SASH1: variants seen among roughly 807,000 people sequenced by gnomAD.
SASH1 encodes SAM and SH3 domain containing 1, also known as SAM and SH3 domain-containing protein 1.
Under a neutral mutation model 125.2 loss-of-function variants are expected in SASH1, and 44 were observed. That is an observed-to-expected ratio of 0.35 (90% CI 0.28 to 0.45). The LOEUF is 0.45. SASH1 is among the 20% of genes least tolerant of loss of function. The pLI is 1.00. For synonymous variants in SASH1, 639 were observed against 649.1 expected (o/e 0.98, Z 0.24); for missense variants, 1,426 against 1,614.5 (o/e 0.88, Z 2.00).
the SASH1 span, among the ~76,000 whole-genome samples, chr6:148,238,739 G>T: frequency 2.0e-5 from 3 of 152,002 alleles, no homozygotes; most frequent in Non-Finnish European, 2.9e-5. Flanking sequence ...CTAGAAAAGG[G>T]CTTGGCGTAC....
At chr6:148,492,435 G>T (rs569403850) in intron 8 of SASH1, among the ~76,000 whole-genome samples, 25 of 152,288 alleles carry the variant, frequency 1.6e-4, no homozygotes, top group African/African-American at 6.0e-4. Flanking sequence ...TATATAGCAG[G>T]CATTGTGCTA....
At chr6:148,472,032 G>C (rs1257073939) in intron 6 of SASH1, among the ~76,000 whole-genome samples, 1 of 152,204 alleles carries the variant, frequency 6.6e-6, no homozygotes, top group African/African-American at 2.4e-5. Flanking sequence ...ACTCTTGGCT[G>C]TGTCTTTTGT....
rs58822082 is a variant in SASH1, at chr6:148,511,324, TACACACACACACACACAC to T, written c.730-2967_730-2950del. Among the ~76,000 whole-genome samples, 251 of 135,464 alleles carry T rather than the reference TACACACACACACACACAC, an allele frequency of 1.9e-3. 4 individuals carry two copies. In the South Asian group the frequency reaches 0.038, roughly 20 times the overall value. The allele number at this position is 135,464 out of a possible 152,430, so 88.9% of individuals were successfully genotyped here. ...GCTGACTTCTAGGTTAATTTTCTAT[TACACACACACACACACAC>T]ACACACACACACACACACACACACA... On this transcript the variant is annotated intron_variant, in intron 8 of 19. Coordinates refer to ENST00000367467, the MANE Select transcript of SASH1 (RefSeq NM_015278.5).
chr6:148,549,694 TTTAGA>T lies in SASH1; in HGVS notation c.*1138_*1142del. 2.5e-6 allele frequency: 1 copy of T among 398,736 alleles called. No individual in the cohort carries two copies. Among genetic ancestry groups the T allele is most frequent in the East Asian group, 3.6e-5 (1 of 28,048 alleles). 24.7% of individuals were successfully genotyped at this position (398,736 alleles called of 1,614,324 possible). On this transcript the variant is annotated 3_prime_UTR_variant, in exon 20 of 20. Transcript: ENST00000367467. ...TACTATTATTATCCTTCTTTTTTTA[TTTAGA>T]TAATTCTTTTAATTTAAACAAAGGT...
At chr6:148,399,135 G>T (rs1784069844) in intron 2 of SASH1, among the ~76,000 whole-genome samples, 1 of 151,956 alleles carries the variant, frequency 6.6e-6, no homozygotes, top group Non-Finnish European at 1.5e-5. Context: ...GAAACCACCG[G>T]GTTGGCTGTG....
At chr6:148,491,810 A>T (rs546037235) in intron 8 of SASH1, among the ~76,000 whole-genome samples, 1 of 152,162 alleles carries the variant, frequency 6.6e-6, no homozygotes, top group Non-Finnish European at 1.5e-5. Flanking sequence ...TGACTGAGAC[A>T]TTACCGTTTA....
intron 4 of SASH1, among the ~76,000 whole-genome samples, chr6:148,462,895 C>T (rs778768296): frequency 1.3e-5 from 2 of 152,104 alleles, no homozygotes; most frequent in Non-Finnish European, 1.5e-5. Flanking sequence ...TTGCCCAGCA[C>T]GATTGGACCT....
intron 1 of SASH1, among the ~76,000 whole-genome samples, chr6:148,322,153 C>G (rs904335618): frequency 2.0e-5 from 3 of 151,998 alleles, no homozygotes; most frequent in Non-Finnish European, 4.4e-5. Flanking sequence ...GAGTTCGAGA[C>G]CAGCCTGGCC....
chr6:148,460,759 C>T (rs113362722), intron 4 of SASH1, among the ~76,000 whole-genome samples: 2 of 152,094 alleles, frequency 1.3e-5, no homozygotes, highest in African/African-American at 2.4e-5. Context: ...ATTTTGATGT[C>T]ATGCTTAATC....
chr6:148,326,792 T>C (rs1780842118), intron 1 of SASH1, among the ~76,000 whole-genome samples: 1 of 152,080 alleles, frequency 6.6e-6, no homozygotes, highest in Middle Eastern at 3.2e-3. Context: ...GCTTGAAGGA[T>C]AAAAGAGGGT....
At chr6:148,511,051 G>A (rs1780090290) in intron 8 of SASH1, among the ~76,000 whole-genome samples, 1 of 151,656 alleles carries the variant, frequency 6.6e-6, no homozygotes, top group Non-Finnish European at 1.5e-5. Context: ...TTTGGGAAGT[G>A]GAATATACTT....
intron 1 of SASH1, among the ~76,000 whole-genome samples, chr6:148,382,412 C>A (rs1480142052): frequency 1.3e-5 from 2 of 152,284 alleles, no homozygotes; most frequent in Admixed American, 6.5e-5. Flanking sequence ...GCCTCAGCCT[C>A]CTGAGTAGCT....
At chr6:148,310,420 A>G (rs1780294622) in intron 1 of SASH1, among the ~76,000 whole-genome samples, 1 of 75,888 alleles carries the variant, frequency 1.3e-5, no homozygotes, top group Admixed American at 1.7e-4. Context: ...GGACATCCAT[A>G]TGTGAAAAAA....
intron 11 of SASH1, among the ~76,000 whole-genome samples, chr6:148,526,498 GA>G (rs1781168306): frequency 6.6e-6 from 1 of 152,144 alleles, no homozygotes; most frequent in South Asian, 2.1e-4. Flanking sequence ...GAAATGTTTT[GA>G]AAATTTCCTG....
At chr6:148,376,930 G>T (rs563585237) in intron 1 of SASH1, among the ~76,000 whole-genome samples, 11 of 151,802 alleles carry the variant, frequency 7.2e-5, no homozygotes, top group African/African-American at 2.7e-4. Flanking sequence ...CAGCACTTTG[G>T]GAGGCCGAGG....
chr6:148,395,068 A>G (rs1351722696), intron 2 of SASH1, among the ~76,000 whole-genome samples: 13 of 152,236 alleles, frequency 8.5e-5, no homozygotes, highest in Admixed American at 5.2e-4. Context: ...CAAACATTTT[A>G]TAGGGGAAAA....
intron 1 of SASH1, among the ~76,000 whole-genome samples, chr6:148,352,498 G>C (rs972233373): frequency 6.6e-6 from 1 of 152,070 alleles, no homozygotes; most frequent in Non-Finnish European, 1.5e-5. Context: ...TTAAGAGGCT[G>C]AGGCAGGAGG....
At chr6:148,309,196 G>A (rs929816297) in intron 1 of SASH1, among the ~76,000 whole-genome samples, 1 of 151,992 alleles carries the variant, frequency 6.6e-6, no homozygotes, top group East Asian at 1.9e-4. Context: ...TATTCGGTGA[G>A]AACTGAAGGT....
At chr6:148,319,022 C>CCTT (rs1780563009) in intron 1 of SASH1, among the ~76,000 whole-genome samples, 1 of 66,648 alleles carries the variant, frequency 1.5e-5, no homozygotes. Context: ...CATTTATCTT[C>CCTT]TTTTTTTTTT....
Sources: allele counts gnomAD v4.1 joint callset (sites outside exome capture counted in the v4.1 genomes callset), GRCh38; gene constraint gnomAD v4.1.1; transcripts MANE v1.5; gene names NCBI Gene and HGNC (gene_info 2026-07-23, HGNC 2026-07-21).